PIAS1: variants seen among roughly 807,000 people sequenced by gnomAD.
PIAS1 encodes the protein protein inhibitor of activated STAT 1.
Under a neutral mutation model 71.3 loss-of-function variants are expected in PIAS1, and 6 were observed. The observed-to-expected ratio is 0.08, with a 90% CI of 0.05 to 0.17. PIAS1 has a LOEUF of 0.17. Ranked by LOEUF, PIAS1 falls within the 10% of genes least tolerant of loss-of-function variation. The probability of loss-of-function intolerance (pLI) is 1.00; values close to 1 mark genes in which losing one functional copy is unlikely to be tolerated. For missense variants in PIAS1, 555 were observed against 793.6 expected (o/e 0.70, Z 3.61); for synonymous variants, 303 against 292.9 (o/e 1.03, Z -0.35).
intron 2 of PIAS1, among the ~76,000 whole-genome samples, chr15:68,102,979 G>A (rs1337807411): frequency 6.6e-6 from 1 of 151,852 alleles, no homozygotes; most frequent in Non-Finnish European, 1.5e-5. Flanking sequence ...CCAGGCTGGA[G>A]TATAGTAGCA....
intron 2 of PIAS1, among the ~76,000 whole-genome samples, chr15:68,090,927 G>GGGGTGT (rs71455575): frequency 5.0e-4 from 72 of 142,858 alleles, no homozygotes; most frequent in African/African-American, 1.7e-3. Flanking sequence ...GTCATTTACG[G>GGGGTGT]GTGTGTGTGT....
chr15:68,069,115 C>T (rs573241779), intron 1 of PIAS1, among the ~76,000 whole-genome samples: 3 of 150,910 alleles, frequency 2.0e-5, no homozygotes, highest in South Asian at 4.2e-4. Context: ...AGGCTGGTCT[C>T]GAACTCCAGA....
intron 5 of PIAS1, among the ~76,000 whole-genome samples, chr15:68,146,187 C>T (rs1286763307): frequency 7.2e-5 from 11 of 152,094 alleles, no homozygotes; most frequent in Admixed American, 7.2e-4. Flanking sequence ...TCATGTGAGT[C>T]TATAAGCCTA....
chr15:68,146,631 C>T lies in PIAS1; in HGVS notation c.759C>T (p.Thr253=). The T allele has an allele frequency of 6.2e-7, 1 of 1,613,160 alleles. No homozygotes were observed. Among genetic ancestry groups the T allele is most frequent in the Non-Finnish European group, 8.5e-7 (1 of 1,179,204 alleles). Residue 253 remains threonine, a synonymous_variant, in exon 6 of 14, where the codon ACC becomes ACT. Transcript: ENST00000249636. ...GACCCAGCCGACCAATTAATATCAC[C>T]TCACTTGTCCGACTGTCCACAACAG... The part of the protein sequence containing the change: ...PKRPSRPINI[T]SLVRLSTTVP...
intron 2 of PIAS1, among the ~76,000 whole-genome samples, chr15:68,094,304 A>G (rs2092356399): frequency 6.6e-6 from 1 of 151,790 alleles, no homozygotes; most frequent in Non-Finnish European, 1.5e-5. Flanking sequence ...AAAGTAGAAT[A>G]TTTCTTTGGA....
intron 1 of PIAS1, among the ~76,000 whole-genome samples, chr15:68,069,534 G>A (rs1216910672): frequency 6.6e-6 from 1 of 152,186 alleles, no homozygotes; most frequent in Non-Finnish European, 1.5e-5. Context: ...TGGGCACGGT[G>A]GCTCATGCCT....
chr15:68,146,602 A>G lies in PIAS1; in HGVS notation c.730A>G (p.Lys244Glu). ...ACCTACAAAAAATGGCGTGGAACCA[A>G]AGCGACCCAGCCGACCAATTAATAT... ...LPPTKNGVEP[K>E]RPSRPINITS... The change falls in exon 6 of 14, where the codon AAG becomes GAG. Residue 244 changes from lysine to glutamate, a missense_variant. This residue lies in a region of PIAS1 where 134 missense variants were observed against 203.4 expected (regional missense o/e 0.66). Transcript: ENST00000249636. 1 of 1,613,328 alleles carries G rather than the reference A, an allele frequency of 6.2e-7. No individual in the cohort carries two copies. The highest frequency in any genetic ancestry group is 8.5e-7 in the Non-Finnish European group (1 of 1,179,378).
chr15:68,084,226 G>C (rs888283662), intron 1 of PIAS1, among the ~76,000 whole-genome samples: 62 of 152,238 alleles, frequency 4.1e-4, no homozygotes, highest in African/African-American at 1.5e-3. Flanking sequence ...AGTTGAAATA[G>C]TTCTCTTCAA....
At chr15:68,064,426 A>G (rs772732070) in intron 1 of PIAS1, among the ~76,000 whole-genome samples, 4 of 152,248 alleles carry the variant, frequency 2.6e-5, no homozygotes, top group African/African-American at 9.6e-5. Flanking sequence ...GAAGAACTGC[A>G]TAACTCAGTG....
chr15:68,137,404 A>G (rs1347541135), intron 2 of PIAS1, among the ~76,000 whole-genome samples: 2 of 152,222 alleles, frequency 1.3e-5, no homozygotes, highest in Non-Finnish European at 2.9e-5. Context: ...GCAAGCTTTC[A>G]TATTGTATCT....
At chr15:68,055,823 C>A (rs371444794) in intron 1 of PIAS1, 2 of 669,068 alleles carry the variant, frequency 3.0e-6, no homozygotes, top group East Asian at 2.7e-5. Context: ...AGATTTGATT[C>A]TGTAGAGTTT....
intron 2 of PIAS1, among the ~76,000 whole-genome samples, chr15:68,120,242 C>CT (rs373966418): frequency 1.1e-3 from 158 of 145,938 alleles, no homozygotes; most frequent in African/African-American, 1.8e-3. Context: ...TTATAGTTGT[C>CT]TTTTTTTTTT....
chr15:68,188,340 A>G lies in PIAS1; in HGVS notation c.*505A>G, dbSNP rs1308436397. On this transcript the variant is annotated 3_prime_UTR_variant, in exon 14 of 14. Coordinates refer to ENST00000249636, the MANE Select transcript of PIAS1 (RefSeq NM_016166.3). ...AGACTTGGATTCTGTTTGTGTGTGC[A>G]TATTTTATCCAGCCTTAAGTTATAA... 2 of 156,610 alleles carry G rather than the reference A, an allele frequency of 1.3e-5. No homozygotes were observed. Among genetic ancestry groups the G allele is most frequent in the African/African-American group, 4.8e-5 (2 of 41,420 alleles). 9.7% of individuals were successfully genotyped at this position (156,610 alleles called of 1,614,324 possible). A position where few individuals can be genotyped will look rare whatever the true frequency, so the allele number is the denominator to read the frequency against.
At chr15:68,179,843 G>A (rs1347238531) in intron 11 of PIAS1, among the ~76,000 whole-genome samples, 1 of 151,846 alleles carries the variant, frequency 6.6e-6, no homozygotes. Flanking sequence ...CTCCCAAAGT[G>A]CTGGGATTAC....
rs2093126318 is a variant in PIAS1 at position 68,192,764 on chromosome 15, A to C, written c.*4929A>C. The C allele has an allele frequency of 6.6e-6, 1 of 152,224 alleles. No individual in the cohort carries two copies. The allele number at this position is 152,224 out of a possible 1,614,324, so 9.4% of individuals were successfully genotyped here. On this transcript the variant is annotated 3_prime_UTR_variant, in exon 14 of 14. Transcript: ENST00000249636. ...ATTTGATTTGGTTTTCTTCTACTTT[A>C]GCCACTGTGGTACTACTAGACAAAG...
At chr15:68,125,906 C>G (rs377308640) in intron 2 of PIAS1, among the ~76,000 whole-genome samples, 1 of 152,136 alleles carries the variant, frequency 6.6e-6, no homozygotes, top group Non-Finnish European at 1.5e-5. Flanking sequence ...CTATGCTGAT[C>G]TAAGCTGACC....
chr15:68,180,466 T>TA (rs754563325), intron 11 of PIAS1, among the ~76,000 whole-genome samples: 386 of 113,448 alleles, frequency 3.4e-3, no homozygotes, highest in Admixed American at 6.2e-3. Context: ...TTAGTAAATT[T>TA]TAAAAAAAAA....
intron 2 of PIAS1, among the ~76,000 whole-genome samples, chr15:68,116,522 G>T (rs2092566245): frequency 6.6e-6 from 1 of 152,030 alleles, no homozygotes; most frequent in African/African-American, 2.4e-5. Context: ...TTTTCAAGAA[G>T]AAACCAGCTT....
intron 11 of PIAS1, among the ~76,000 whole-genome samples, chr15:68,177,195 C>A (rs1405460361): frequency 6.8e-6 from 1 of 147,122 alleles, no homozygotes; most frequent in African/African-American, 2.5e-5. Context: ...AGGAGAATCG[C>A]TTGAACCCAG....
Sources: allele counts gnomAD v4.1 joint callset (sites outside exome capture counted in the v4.1 genomes callset), GRCh38; gene constraint gnomAD v4.1.1; regional missense constraint gnomAD v4.1.1; transcripts MANE v1.5; gene names NCBI Gene and HGNC (gene_info 2026-07-23, HGNC 2026-07-21).